SKOR2: variants seen among roughly 807,000 people sequenced by gnomAD.
SKOR2 encodes the protein SKI family transcriptional corepressor 2.
Under a neutral mutation model 69.1 loss-of-function variants are expected in SKOR2, and 47 were observed. The observed-to-expected ratio is 0.68, with a 90% confidence interval of 0.54 to 0.87. The LOEUF (loss-of-function observed/expected upper bound fraction) is 0.87. SKOR2 is among the 40% of genes least tolerant of loss of function. The pLI, the probability that SKOR2 is intolerant of heterozygous loss-of-function variation, is 0.00. For synonymous variants in SKOR2, 717 were observed against 672.6 expected, an observed-to-expected ratio of 1.07 and a Z score of -1.02; for missense variants, 1,404 against 1,472.2, an observed-to-expected ratio of 0.95 and a Z score of 0.76.
At position 47,247,945 on chromosome 18, in the gene SKOR2, G is replaced by A. The variant is rs1001749070; in HGVS notation, c.1239C>T (p.Ala413=). 4 of 1,363,060 alleles carry A rather than the reference G, an allele frequency of 2.9e-6. No individual in the cohort carries two copies. The East Asian group carries it at 9.3e-5, about 32-fold the overall frequency. 84.4% of individuals were successfully genotyped at this position (1,363,060 alleles called of 1,614,324 possible). The change falls in exon 2 of 9, where the codon GCC becomes GCT. Residue 413 remains alanine (A), a synonymous_variant. Coordinates refer to ENST00000425639, the MANE Select transcript of SKOR2 (RefSeq NM_001278063.4). The surrounding 1 kb of genome is among the most constrained non-coding windows in gnomAD (Gnocchi z 6.6). ...GGCACAAGCTGAAGGCGGCGGCCGCGGCAGGGAAGGTGTAGGGGTGCGGGA... is the reference window on the plus strand; with the variant it reads ...GGCACAAGCTGAAGGCGGCGGCCGCAGCAGGGAAGGTGTAGGGGTGCGGGA... The part of the protein sequence containing the change: ...GLFPHPYTFP[A]AAAAFSLCHK...
intron 4 of SKOR2, among the ~76,000 whole-genome samples, chr18:47,237,253 C>G (rs778177260): frequency 3.9e-5 from 6 of 152,132 alleles, no homozygotes; most frequent in Admixed American, 3.9e-4. Context: ...TTGTGATGCT[C>G]CAATAGAAAA....
intron 4 of SKOR2, among the ~76,000 whole-genome samples, chr18:47,238,259 G>A (rs2064233463): frequency 6.6e-6 from 1 of 151,126 alleles, no homozygotes; most frequent in East Asian, 1.9e-4. Flanking sequence ...AAGAAAGAAA[G>A]TGTGTTATTT....
At position 47,248,071 on chromosome 18, in the gene SKOR2, C is replaced by T. The variant is rs866872036; in HGVS notation, c.1113G>A (p.Gly371=). The T allele has an allele frequency of 2.1e-6, 3 of 1,404,476 alleles. No homozygotes were observed. The highest frequency in any genetic ancestry group is 2.8e-6 in the Non-Finnish European group (3 of 1,080,478). 87.0% of individuals were successfully genotyped at this position (1,404,476 alleles called of 1,614,324 possible). A position where few individuals can be genotyped will look rare whatever the true frequency, so the allele number is the denominator to read the frequency against. ...AGCTGCGCGGGCCTTTGGCCCCTGC[C>T]CCGGCACCCGCCCCCGCGCCCGCGC... is the stretch of plus-strand genomic sequence containing the variant. ...GVGAGAGAGA[G]AGAKGPRSYP... Residue 371 remains glycine, a synonymous_variant, in exon 2 of 9, where the codon GGG becomes GGA. Coordinates refer to ENST00000425639, the MANE Select transcript of SKOR2 (RefSeq NM_001278063.4). The surrounding 1 kb of genome is among the most constrained non-coding windows in gnomAD (Gnocchi z 6.4).
At position 47,247,144 on chromosome 18, in the gene SKOR2, G is replaced by A; in HGVS notation, c.2040C>T (p.Pro680=). 1.6e-6 allele frequency: 2 copies of A among 1,279,430 alleles called. No homozygotes were observed. The highest frequency in any genetic ancestry group is 9.8e-7 in the Non-Finnish European group (1 of 1,019,074). The allele number at this position is 1,279,430 out of a possible 1,614,324, so 79.3% of individuals were successfully genotyped here. A position where few individuals can be genotyped will look rare whatever the true frequency, so the allele number is the denominator to read the frequency against. Residue 680 remains proline (P), a synonymous_variant, in exon 2 of 9, where the codon CCC becomes CCT. Transcript: ENST00000425639. This position sits in a 1 kb window ranked among gnomAD's most constrained non-coding sequence, Gnocchi z 6.6. ...PQPPSPLLLL[P]PQPDEPGSER... Reference sequence around the variant, plus strand: ...CGGAACCCGGCTCGTCGGGCTGCGGGGGCAGCAGCAGAAGCGGCGACGGCG... The same window carrying A: ...CGGAACCCGGCTCGTCGGGCTGCGGAGGCAGCAGCAGAAGCGGCGACGGCG...
chr18:47,221,161 A>AT (rs961421269), intron 6 of SKOR2, among the ~76,000 whole-genome samples: 5 of 152,050 alleles, frequency 3.3e-5, no homozygotes, highest in African/African-American at 1.2e-4. Flanking sequence ...TGTTCTTTTT[A>AT]TTTTTTTCAA....
intron 1 of SKOR2, 130 bp from the exon 2 acceptor site, chr18:47,249,360 G>T: frequency 1.1e-6 from 1 of 904,546 alleles, no homozygotes; most frequent in South Asian, 1.8e-5. Context: ...ACTGGAAAAA[G>T]TGACCAAGTT....
intron 4 of SKOR2, among the ~76,000 whole-genome samples, chr18:47,234,047 C>T (rs936614091): frequency 6.6e-6 from 1 of 152,100 alleles, no homozygotes; most frequent in Non-Finnish European, 1.5e-5. Flanking sequence ...GATTCGAATG[C>T]CTCACTTACA....
At chr18:47,244,775 T>C in intron 4 of SKOR2, 133 bp downstream of exon 4, 1 of 728,474 alleles carries the variant, frequency 1.4e-6, no homozygotes, top group Non-Finnish European at 2.1e-6. Context: ...CATTTGTGTT[T>C]TTCTTAGTTA....
At chr18:47,230,820 A>G in intron 5 of SKOR2, 115 bp downstream of exon 5, 1 of 1,005,522 alleles carries the variant, frequency 9.9e-7, no homozygotes, top group Non-Finnish European at 1.5e-6. Context: ...TCCATATATT[A>G]TTCATATGTT....
intron 8 of SKOR2, 140 bp from the exon 9 acceptor site, chr18:47,207,032 A>C (rs1397776074): frequency 6.6e-6 from 1 of 152,202 alleles, no homozygotes; most frequent in Non-Finnish European, 1.5e-5. Flanking sequence ...ATCTCTGATG[A>C]TATCAAGCCA....
At position 47,249,174 on chromosome 18, in the gene SKOR2, T is replaced by C; in HGVS notation, c.10A>G (p.Ser4Gly). 6.5e-7 allele frequency: 1 copy of C among 1,534,672 alleles called. No individual in the cohort carries two copies. Among genetic ancestry groups the C allele is most frequent in the Non-Finnish European group, 8.7e-7 (1 of 1,146,102 alleles). ...ATGTCGTTGGGCCCTGGCAGCGGAC[T>C]GGAAGCCATCTCCGCCGCAGAACCC... MAS[S>G]PLPGPNDILL... Residue 4 changes from serine to glycine, a missense_variant, in exon 2 of 9, where the codon AGT becomes GGT. By Grantham distance (56) the Ser-to-Gly change is moderately conservative (BLOSUM62 0). This residue lies in a region of SKOR2 where 104 missense variants were observed against 95.7 expected (regional missense o/e 1.09). Coordinates refer to ENST00000425639, the MANE Select transcript of SKOR2 (RefSeq NM_001278063.4).
intron 4 of SKOR2, 45 bp downstream of exon 4, chr18:47,244,863 C>T (rs761306785): frequency 1.0e-4 from 152 of 1,491,676 alleles, no homozygotes; most frequent in Non-Finnish European, 1.3e-4. Context: ...CAGCCCCTCT[C>T]CCTGTCATCT....
rs565897922 is a variant in SKOR2 at position 47,227,804 on chromosome 18, C to T, written c.2917+2655G>A. ...CATTCAGTCCTCTCATTCTTCTAAG[C>T]GACAGGAATTATTTGCCCCATTTTA... On this transcript the variant is annotated intron_variant, in intron 6 of 8. Transcript: ENST00000425639. 5.9e-5 allele frequency among the ~76,000 whole-genome samples: 9 copies of T among 152,290 alleles called. No homozygotes were observed. The South Asian group carries it at 1.4e-3, about 25-fold the overall frequency.
At chr18:47,213,679 A>G (rs537365374) in intron 7 of SKOR2, among the ~76,000 whole-genome samples, 3 of 152,274 alleles carry the variant, frequency 2.0e-5, no homozygotes, top group Middle Eastern at 3.4e-3. Flanking sequence ...ATAGGCATAT[A>G]TCTGATAAAG....
chr18:47,219,635 T>C (rs1479849761), intron 7 of SKOR2, among the ~76,000 whole-genome samples: 3 of 152,180 alleles, frequency 2.0e-5, no homozygotes, highest in Non-Finnish European at 4.4e-5. Flanking sequence ...GCTCGTAGCA[T>C]AGCCCAGCAC....
At chr18:47,227,523 G>T (rs2064182967) in intron 6 of SKOR2, among the ~76,000 whole-genome samples, 2 of 151,822 alleles carry the variant, frequency 1.3e-5, no homozygotes, top group Admixed American at 1.3e-4. Context: ...TACAGACGAG[G>T]TTTCACCATG....
At chr18:47,246,292 A>G (rs2064272568) in intron 2 of SKOR2, among the ~76,000 whole-genome samples, 1 of 152,178 alleles carries the variant, frequency 6.6e-6, no homozygotes, top group African/African-American at 2.4e-5. Context: ...GACCAGGTCA[A>G]TTAAAGGGTC....
intron 7 of SKOR2, among the ~76,000 whole-genome samples, chr18:47,217,530 A>G (rs2144482935): frequency 6.6e-6 from 1 of 152,292 alleles, no homozygotes; most frequent in East Asian, 1.9e-4. Flanking sequence ...GTAAAATAAC[A>G]TTTGAGGAAA....
chr18:47,215,215 T>G (rs563700473), intron 7 of SKOR2, among the ~76,000 whole-genome samples: 134 of 152,276 alleles, frequency 8.8e-4, no homozygotes, highest in African/African-American at 2.6e-3. Flanking sequence ...TAAGGCAGCC[T>G]CCACAGAAGT....
Sources: gnomAD v4.1 joint callset for allele counts (sites outside exome capture counted in the v4.1 genomes callset) on GRCh38, gnomAD v4.1.1 for gene constraint, gnomAD v4.1.1 regional missense constraint, Gnocchi (gnomAD v3.1) non-coding constraint, MANE v1.5 for transcripts, NCBI Gene and HGNC (gene_info 2026-07-23, HGNC 2026-07-21) for gene names.